The following NTM variants were observed in gnomAD, a reference collection of about 807,000 sequenced individuals.
The protein encoded by NTM is neurotrimin.
NTM carries 13 observed loss-of-function variants against 42.1 expected under a neutral mutation model. The observed-to-expected ratio is 0.31, with a 90% CI of 0.20 to 0.49. The LOEUF is 0.49. Ranked by LOEUF, NTM falls within the 20% of genes least tolerant of loss-of-function variation. The probability of loss-of-function intolerance (pLI) is 0.99; values close to 1 mark genes in which losing one functional copy is unlikely to be tolerated. For missense variants in NTM, 373 were observed against 452.8 expected, an observed-to-expected ratio of 0.82 and a Z score of 1.60; for synonymous variants, 187 against 179.2, an observed-to-expected ratio of 1.04 and a Z score of -0.35.
chr11:131,581,303 C>A (rs2058389459), intron 1 of NTM, among the ~76,000 whole-genome samples: 2 of 152,102 alleles, frequency 1.3e-5, no homozygotes, highest in African/African-American at 4.8e-5. Context: ...TCCTCGGTCC[C>A]CAGGGAGGCA....
intron 2 of NTM, among the ~76,000 whole-genome samples, chr11:131,914,247 T>C (rs1430294628): frequency 6.6e-6 from 1 of 152,182 alleles, no homozygotes; most frequent in Non-Finnish European, 1.5e-5. Flanking sequence ...TTGCTTTGTA[T>C]TGTGTGTGTG....
At chr11:132,154,186 T>A (rs2137482282) in intron 3 of NTM, among the ~76,000 whole-genome samples, 1 of 152,316 alleles carries the variant, frequency 6.6e-6, no homozygotes, top group East Asian at 1.9e-4. Flanking sequence ...AGGCTTCCAA[T>A]AGGCTTATTT....
chr11:132,092,012 A>T (rs1417232282), intron 2 of NTM, among the ~76,000 whole-genome samples: 1 of 152,110 alleles, frequency 6.6e-6, no homozygotes, highest in Non-Finnish European at 1.5e-5. Flanking sequence ...CTTCCCTTCC[A>T]CCTTCAATCC....
intron 4 of NTM, among the ~76,000 whole-genome samples, chr11:132,279,053 C>T (rs376740471): frequency 5.9e-5 from 9 of 152,278 alleles, no homozygotes; most frequent in African/African-American, 2.2e-4. Context: ...CATGGTGTTT[C>T]TTCTGTCTGC....
chr11:132,161,400 A>G (rs1313046660), intron 3 of NTM, among the ~76,000 whole-genome samples: 1 of 103,844 alleles, frequency 9.6e-6, no homozygotes, highest in Non-Finnish European at 1.9e-5. Flanking sequence ...TTTTTTCCCC[A>G]CAAAATGTTC....
chr11:132,311,403 T>G (rs565987721), intron 6 of NTM, among the ~76,000 whole-genome samples: 3 of 152,328 alleles, frequency 2.0e-5, no homozygotes, highest in Admixed American at 6.5e-5. Flanking sequence ...ATGTATTATA[T>G]TCATGTAGCC....
At chr11:132,288,136 A>G (rs1286378364) in intron 4 of NTM, among the ~76,000 whole-genome samples, 1 of 152,216 alleles carries the variant, frequency 6.6e-6, no homozygotes, top group Non-Finnish European at 1.5e-5. Flanking sequence ...AGTTCTGCCA[A>G]CCAGCATGGA....
At chr11:132,143,009 G>A (rs1012831981) in intron 2 of NTM, among the ~76,000 whole-genome samples, 23 of 152,262 alleles carry the variant, frequency 1.5e-4, no homozygotes, top group Middle Eastern at 3.4e-3. Context: ...GTCAGTCAGC[G>A]TTTCCTGCAC....
At chr11:132,007,544 T>A (rs542090261) in intron 2 of NTM, among the ~76,000 whole-genome samples, 1 of 152,340 alleles carries the variant, frequency 6.6e-6, no homozygotes, top group East Asian at 1.9e-4. Context: ...TGCTCTCTTT[T>A]GTTGCAGCCT....
intron 1 of NTM, among the ~76,000 whole-genome samples, chr11:131,446,114 C>A (rs1183117771): frequency 1.3e-5 from 2 of 152,180 alleles, no homozygotes; most frequent in Admixed American, 6.5e-5. Context: ...TAAGTCCAAC[C>A]CAATTCCCCA....
intron 4 of NTM, among the ~76,000 whole-genome samples, chr11:132,215,283 C>A (rs1013446628): frequency 6.6e-6 from 1 of 151,888 alleles, no homozygotes; most frequent in African/African-American, 2.4e-5. Flanking sequence ...CAGGGCTAAG[C>A]TCTTTCAGCA....
chr11:131,471,450 A>G (rs1002076333), intron 1 of NTM, among the ~76,000 whole-genome samples: 2 of 152,128 alleles, frequency 1.3e-5, no homozygotes, highest in African/African-American at 2.4e-5. Context: ...TCATCACATG[A>G]GTTATTTTGT....
intron 1 of NTM, among the ~76,000 whole-genome samples, chr11:131,691,367 C>T (rs2074678423): frequency 6.6e-6 from 1 of 152,200 alleles, no homozygotes. Flanking sequence ...AAGGCAGCTT[C>T]TTCGGCGGCC....
intron 4 of NTM, among the ~76,000 whole-genome samples, chr11:132,284,108 T>C (rs1156618926): frequency 6.6e-6 from 1 of 152,096 alleles, no homozygotes; most frequent in Non-Finnish European, 1.5e-5. Flanking sequence ...TTTGTGGGGA[T>C]TAAAATGAAA....
At chr11:131,606,228 A>T (rs1377961149) in intron 1 of NTM, among the ~76,000 whole-genome samples, 3 of 152,066 alleles carry the variant, frequency 2.0e-5, no homozygotes, top group Non-Finnish European at 2.9e-5. Context: ...ATTTAAAAAA[A>T]TTTGTTTTGT....
chr11:131,519,750 T>G (rs1279750704), intron 1 of NTM, among the ~76,000 whole-genome samples: 7 of 128,794 alleles, frequency 5.4e-5, no homozygotes, highest in East Asian at 4.7e-4. Flanking sequence ...AGCTGTGGAG[T>G]TAGTTATGAC....
At chr11:131,690,170 A>T (rs1225271292) in intron 1 of NTM, among the ~76,000 whole-genome samples, 3 of 152,176 alleles carry the variant, frequency 2.0e-5, no homozygotes, top group African/African-American at 7.2e-5. Flanking sequence ...AAGGCCTGGA[A>T]TCCAGATGAG....
At chr11:131,483,423 G>A (rs193164787) in intron 1 of NTM, among the ~76,000 whole-genome samples, 97 of 152,326 alleles carry the variant, frequency 6.4e-4, no homozygotes, top group Non-Finnish European at 1.0e-3. Flanking sequence ...GAGGCCTAGT[G>A]CCATAGAGCG....
intron 2 of NTM, among the ~76,000 whole-genome samples, chr11:132,116,732 C>A (rs1312501877): frequency 3.3e-5 from 5 of 152,184 alleles, no homozygotes; most frequent in Admixed American, 2.0e-4. Flanking sequence ...TTATTAAGAT[C>A]CAGCCAAAAG....
Sources: gnomAD v4.1 joint callset for allele counts (sites outside exome capture counted in the v4.1 genomes callset) on GRCh38, gnomAD v4.1.1 for gene constraint, MANE v1.5 for transcripts, NCBI Gene and HGNC (gene_info 2026-07-23, HGNC 2026-07-21) for gene names.